Variants in FER1L6 observed in about 807,000 individuals in gnomAD.
FER1L6 encodes the protein fer-1 like family member 6.
In FER1L6, 177 loss-of-function variants were observed where a neutral mutation model predicts 219.2. The observed-to-expected ratio is 0.81, with a 90% confidence interval of 0.71 to 0.91. The LOEUF is 0.91. Ranked by LOEUF, FER1L6 falls within the 40% of genes least tolerant of loss-of-function variation. The pLI is 0.00. For synonymous variants in FER1L6, 768 were observed against 824.3 expected, an observed-to-expected ratio of 0.93 and a Z score of 1.17; for missense variants, 2,153 against 2,259.9, an observed-to-expected ratio of 0.95 and a Z score of 0.96.
chr8:123,973,718 G>GT (rs915828324), intron 7 of FER1L6, among the ~76,000 whole-genome samples: 4 of 151,988 alleles, frequency 2.6e-5, no homozygotes, highest in Admixed American at 1.3e-4. Context: ...CTTCTGGGGA[G>GT]TTTTTTTTCT....
Position 123,853,782 on chromosome 8 carries a change from G to A in FER1L6, c.-8+1597G>A, listed in dbSNP as rs1186024246. Reference sequence around the variant, plus strand: ...CAACCCAACAGTGTCAAGCACAGAGGCTGGTTTTCACTGAGAACGATGTAA... The same window carrying A: ...CAACCCAACAGTGTCAAGCACAGAGACTGGTTTTCACTGAGAACGATGTAA... On this transcript the variant is annotated intron_variant, in intron 1 of 40. Transcript: ENST00000522917. The surrounding 1 kb of genome is among the most constrained non-coding windows in gnomAD (Gnocchi z 6.6). Among the ~76,000 whole-genome samples the A allele has an allele frequency of 6.6e-6, 1 of 152,214 alleles. No individual in the cohort carries two copies. The highest frequency in any genetic ancestry group is 6.5e-5 in the Admixed American group (1 of 15,278).
chr8:123,858,003 A>AT (rs575940606), intron 1 of FER1L6, among the ~76,000 whole-genome samples: 262 of 152,026 alleles, frequency 1.7e-3, no homozygotes, highest in Middle Eastern at 0.014. Flanking sequence ...GCATCCCCAC[A>AT]TTTTTTTGAA....
intron 18 of FER1L6, among the ~76,000 whole-genome samples, chr8:124,023,926 T>C (rs1308982486): frequency 6.6e-6 from 1 of 151,796 alleles, no homozygotes; most frequent in African/African-American, 2.4e-5. Flanking sequence ...AGACAGTGTC[T>C]TGCACTGTCG....
chr8:123,904,911 A>T (rs1166348363), intron 1 of FER1L6, among the ~76,000 whole-genome samples: 1 of 152,212 alleles, frequency 6.6e-6, no homozygotes, highest in Non-Finnish European at 1.5e-5. Context: ...AACGTTTGGT[A>T]GTTTGAAATC....
At chr8:124,003,672 T>C (rs189768347) in intron 13 of FER1L6, among the ~76,000 whole-genome samples, 2 of 152,126 alleles carry the variant, frequency 1.3e-5, no homozygotes, top group Non-Finnish European at 2.9e-5. Context: ...TTTCACTGTG[T>C]TGGCCAGGAT....
chr8:124,078,580 G>C (rs1295620164), intron 32 of FER1L6, among the ~76,000 whole-genome samples: 4 of 152,180 alleles, frequency 2.6e-5, no homozygotes, highest in African/African-American at 9.7e-5. Context: ...TAAGTGCTGG[G>C]ACACAGTGAG....
chr8:123,981,947 G>T (rs1370876922), intron 11 of FER1L6, among the ~76,000 whole-genome samples: 2 of 152,144 alleles, frequency 1.3e-5, no homozygotes, highest in Non-Finnish European at 2.9e-5. Context: ...TGTCGCTATG[G>T]TTTTCTCCCA....
intron 35 of FER1L6, among the ~76,000 whole-genome samples, chr8:124,096,790 TTA>T (rs1212237147): frequency 2.0e-5 from 3 of 152,102 alleles, no homozygotes; most frequent in Non-Finnish European, 4.4e-5. Context: ...ACAGTTGGGA[TTA>T]TCTTTTTAAT....
intron 14 of FER1L6, among the ~76,000 whole-genome samples, chr8:124,011,107 A>AC (rs1246925352): frequency 6.6e-6 from 1 of 152,010 alleles, no homozygotes; most frequent in Admixed American, 6.5e-5. Flanking sequence ...GCCCTGCCTA[A>AC]CCTATAGCCC....
chr8:124,087,919 T>G lies in FER1L6; in HGVS notation c.4392-3504T>G, dbSNP rs1821852236. ...GGCAGAGACTCTTTTTCTCCTTTCT[T>G]TTCCCCAAACAAATGGGGTTTATCT... is the stretch of plus-strand genomic sequence containing the variant. On this transcript the variant is annotated intron_variant, in intron 33 of 40. Transcript: ENST00000522917. 2.0e-5 allele frequency among the ~76,000 whole-genome samples: 3 copies of G among 152,150 alleles called. No individual in the cohort carries two copies. The South Asian group carries it at 6.2e-4, about 32-fold the overall frequency.
chr8:124,041,834 G>T (rs768864478), intron 20 of FER1L6, among the ~76,000 whole-genome samples: 2 of 152,062 alleles, frequency 1.3e-5, no homozygotes, highest in African/African-American at 2.4e-5. Context: ...CTGGAGCTGC[G>T]CTGTCTGGGT....
At chr8:124,109,068 A>G (rs1822903433) in intron 39 of FER1L6, among the ~76,000 whole-genome samples, 1 of 152,154 alleles carries the variant, frequency 6.6e-6, no homozygotes, top group African/African-American at 2.4e-5. Context: ...TGCTGAGAAA[A>G]AATTCAGGAT....
chr8:124,043,817 G>A (rs562471507), intron 20 of FER1L6, among the ~76,000 whole-genome samples: 1 of 152,202 alleles, frequency 6.6e-6, no homozygotes, highest in African/African-American at 2.4e-5. Flanking sequence ...GAGAATGTAT[G>A]TTTGTTTGGG....
At chr8:124,090,502 C>G (rs924526649) in intron 33 of FER1L6, among the ~76,000 whole-genome samples, 4 of 152,186 alleles carry the variant, frequency 2.6e-5, no homozygotes. Flanking sequence ...GACAAGCATG[C>G]CTATTTCTGG....
intron 8 of FER1L6, 98 bp from the exon 9 acceptor site, chr8:123,975,800 T>A: frequency 1.1e-6 from 1 of 947,440 alleles, no homozygotes; most frequent in African/African-American, 1.6e-5. Context: ...ATTTGTCTTA[T>A]ATTGGGATCT....
chr8:124,032,804 A>G (rs955076084), intron 18 of FER1L6, among the ~76,000 whole-genome samples: 10 of 152,236 alleles, frequency 6.6e-5, no homozygotes, highest in Non-Finnish European at 1.3e-4. Flanking sequence ...TGCTTTGCTT[A>G]GGGCAATGTA....
intron 1 of FER1L6, among the ~76,000 whole-genome samples, chr8:123,892,141 G>C (rs1436587620): frequency 6.6e-6 from 1 of 152,144 alleles, no homozygotes; most frequent in South Asian, 2.1e-4. Context: ...TGTTTATAAG[G>C]CTCTATTAAA....
At chr8:123,989,918 G>A (rs1302789395) in intron 12 of FER1L6, among the ~76,000 whole-genome samples, 1 of 151,860 alleles carries the variant, frequency 6.6e-6, no homozygotes, top group Non-Finnish European at 1.5e-5. Context: ...TTTTCCTTTG[G>A]GTAGATAACC....
chr8:123,939,287 A>G (rs4870880), intron 1 of FER1L6: 190,669 of 751,544 alleles, frequency 0.25, 24,168 homozygotes, highest in East Asian at 0.41. Context: ...ACATATTGTT[A>G]AGTCTAAGAA....
Sources: gnomAD v4.1 joint callset for allele counts (sites outside exome capture counted in the v4.1 genomes callset) on GRCh38, gnomAD v4.1.1 for gene constraint, Gnocchi (gnomAD v3.1) non-coding constraint, MANE v1.5 for transcripts, NCBI Gene and HGNC (gene_info 2026-07-23, HGNC 2026-07-21) for gene names.